Variants in MYT1L observed in about 807,000 individuals in gnomAD.
MYT1L encodes myelin transcription factor 1-like protein.
A neutral mutation model predicts 126.7 loss-of-function variants in MYT1L; 12 were observed. That is an observed-to-expected ratio of 0.09 (90% CI 0.06 to 0.15). The LOEUF is 0.15. Among genes scored for constraint, MYT1L ranks in the 10% least tolerant of loss-of-function variants. MYT1L has a pLI of 1.00. For synonymous variants in MYT1L, 541 were observed against 604.2 expected (o/e 0.90, Z 1.53); for missense variants, 979 against 1,585.2 (o/e 0.62, Z 6.49).
chr2:2,012,220 T>C (rs991404702), intron 4 of MYT1L, among the ~76,000 whole-genome samples: 15 of 152,240 alleles, frequency 9.9e-5, no homozygotes, highest in African/African-American at 3.4e-4. Flanking sequence ...GGCTGATTTA[T>C]ATAATAAAGT....
chr2:2,005,662 T>G (rs1444421176), intron 4 of MYT1L, among the ~76,000 whole-genome samples: 1 of 151,406 alleles, frequency 6.6e-6, no homozygotes, highest in East Asian at 2.0e-4. Flanking sequence ...CTGAATATGT[T>G]CTTTCCTGCA....
intron 23 of MYT1L, among the ~76,000 whole-genome samples, chr2:1,799,841 A>G (rs935241653): frequency 1.3e-5 from 2 of 152,184 alleles, no homozygotes; most frequent in African/African-American, 4.8e-5. Flanking sequence ...GCGTTCCCCC[A>G]TGCTGTCCTC....
rs922027488 is a variant in MYT1L at position 1,806,187 on chromosome 2, C to T, written c.3172+2889G>A. ...CTCTGGGGGTAAGAAAGAACTATCT[C>T]AGTTTGGTGCAAACAGTGTCAGGAA... On this transcript the variant is annotated intron_variant, in intron 22 of 24. Transcript: ENST00000647738. The surrounding 1 kb of genome is among the most constrained non-coding windows in gnomAD (Gnocchi z 4.9). Among the ~76,000 whole-genome samples the T allele has an allele frequency of 2.0e-5, 3 of 152,188 alleles. No individual in the cohort carries two copies. Among genetic ancestry groups the T allele is most frequent in the Admixed American group, 2.0e-4 (3 of 15,280 alleles).
chr2:2,204,955 C>T (rs1026565331), intron 2 of MYT1L, among the ~76,000 whole-genome samples: 3 of 151,610 alleles, frequency 2.0e-5, no homozygotes, highest in African/African-American at 7.3e-5. Flanking sequence ...AGTTCATGTC[C>T]TTTGTAGGGA....
intron 4 of MYT1L, among the ~76,000 whole-genome samples, chr2:2,015,274 T>C (rs1340163638): frequency 1.3e-4 from 20 of 151,996 alleles, no homozygotes. Context: ...ACGATAATGA[T>C]GGAAAGGAGA....
rs144428765 is a variant in MYT1L at position 2,236,991 on chromosome 2, A to G, written c.-421+47413T>C. On this transcript the variant is annotated intron_variant, in intron 2 of 24. Coordinates refer to ENST00000647738, the MANE Select transcript of MYT1L (RefSeq NM_001303052.2). ...ACCACACCCAGCTAATTTATGTACT[A>G]TTAGTAGAGATGGGGTTTCTCCATG... Among the ~76,000 whole-genome samples, 557 of 151,902 alleles carry G rather than the reference A, an allele frequency of 3.7e-3. 1 individual carries two copies. Among genetic ancestry groups the G allele is most frequent in the African/African-American group, 0.013 (528 of 41,436 alleles).
At position 2,217,688 on chromosome 2, in the gene MYT1L, C is replaced by CA. The variant is rs1192733884; in HGVS notation, c.-420-44701dup. Among the ~76,000 whole-genome samples, 35 of 70,876 alleles carry CA rather than the reference C, an allele frequency of 4.9e-4. 2 individuals are homozygous for CA. Among genetic ancestry groups the CA allele is most frequent in the African/African-American group, 2.5e-3 (32 of 12,696 alleles). 46.5% of individuals were successfully genotyped at this position (70,876 alleles called of 152,430 possible). ...TCCATCTCAACAACAACAACAACAA[C>CA]AACAACAACAACAACAACAAAAAAA... On this transcript the variant is annotated intron_variant, in intron 2 of 24. Transcript: ENST00000647738.
chr2:1,804,032 G>A (rs2035292570), intron 22 of MYT1L, among the ~76,000 whole-genome samples: 2 of 152,210 alleles, frequency 1.3e-5, no homozygotes, highest in Admixed American at 6.5e-5. Flanking sequence ...GCAGTGACTG[G>A]CCCAGGAAGC....
intron 8 of MYT1L, among the ~76,000 whole-genome samples, chr2:1,973,043 G>A (rs2059922576): frequency 6.6e-6 from 1 of 152,112 alleles, no homozygotes; most frequent in Non-Finnish European, 1.5e-5. Context: ...GTCCAGTGAA[G>A]GTTAAATGGG....
intron 3 of MYT1L, among the ~76,000 whole-genome samples, chr2:2,066,990 G>A (rs879855694): frequency 6.6e-6 from 1 of 152,206 alleles, no homozygotes; most frequent in African/African-American, 2.4e-5. Flanking sequence ...ACCACATCGT[G>A]ATTAGGAAAA....
chr2:1,899,913 G>C (rs1278334691), intron 14 of MYT1L, among the ~76,000 whole-genome samples: 5 of 152,230 alleles, frequency 3.3e-5, no homozygotes, highest in African/African-American at 1.2e-4. Context: ...GCTGTGTCTG[G>C]AAGGATGCAG....
At chr2:2,327,771 T>C (rs967620708) in intron 1 of MYT1L, among the ~76,000 whole-genome samples, 1 of 151,998 alleles carries the variant, frequency 6.6e-6, no homozygotes, top group African/African-American at 2.4e-5. Context: ...CAAAGCAGAG[T>C]GGTCATTATC....
At position 1,801,631 on chromosome 2, in the gene MYT1L, T is replaced by C; in HGVS notation, c.3276+65A>G. On this transcript the variant is annotated intron_variant, in intron 23 of 24. Transcript: ENST00000647738. This position sits in a 1 kb window ranked among gnomAD's most constrained non-coding sequence, Gnocchi z 4.2. The stretch of plus-strand genomic sequence containing the variant: ...ACAGCTCTCCTAAAAGCTGATTTCA[T>C]GCCATGTATCTCTGGTATAATGGCG... The C allele has an allele frequency of 1.0e-6, 1 of 962,858 alleles. No individual in the cohort carries two copies. Among genetic ancestry groups the C allele is most frequent in the East Asian group, 2.4e-5 (1 of 40,990 alleles). 59.6% of individuals were successfully genotyped at this position (962,858 alleles called of 1,614,324 possible).
At chr2:2,191,032 G>A (rs1278790965) in intron 2 of MYT1L, among the ~76,000 whole-genome samples, 6 of 152,290 alleles carry the variant, frequency 3.9e-5, no homozygotes, top group Middle Eastern at 3.4e-3. Context: ...TGATCCTCCC[G>A]CCTCAACCTC....
At chr2:2,302,584 G>A (rs1286710464) in intron 1 of MYT1L, among the ~76,000 whole-genome samples, 1 of 152,134 alleles carries the variant, frequency 6.6e-6, no homozygotes, top group African/African-American at 2.4e-5. Flanking sequence ...TTCCTGTGGC[G>A]GATGTCTGCT....
chr2:2,152,554 G>T (rs1051390792), intron 3 of MYT1L, among the ~76,000 whole-genome samples: 5 of 152,258 alleles, frequency 3.3e-5, no homozygotes, highest in African/African-American at 9.6e-5. Context: ...CGATTACATG[G>T]TTAACGACAG....
At chr2:2,150,785 T>G (rs989173828) in intron 3 of MYT1L, among the ~76,000 whole-genome samples, 1 of 144,598 alleles carries the variant, frequency 6.9e-6, no homozygotes, top group African/African-American at 2.6e-5. Flanking sequence ...AAGAAGAAAG[T>G]AGGGGAGGAA....
chr2:2,044,484 G>C (rs1029470446), intron 4 of MYT1L, among the ~76,000 whole-genome samples: 4 of 152,174 alleles, frequency 2.6e-5, no homozygotes, highest in African/African-American at 9.7e-5. Context: ...AATGGGACAA[G>C]AAAATGACAT....
intron 2 of MYT1L, among the ~76,000 whole-genome samples, chr2:2,267,476 T>C (rs1294026752): frequency 6.6e-6 from 1 of 152,072 alleles, no homozygotes; most frequent in Non-Finnish European, 1.5e-5. Context: ...GAAGCGGATG[T>C]GGCGATACAC....
Sources: gnomAD v4.1 joint callset for allele counts (sites outside exome capture counted in the v4.1 genomes callset) on GRCh38, gnomAD v4.1.1 for gene constraint, Gnocchi (gnomAD v3.1) non-coding constraint, MANE v1.5 for transcripts, NCBI Gene and HGNC (gene_info 2026-07-23, HGNC 2026-07-21) for gene names.